The following KBTBD11 variants were observed in gnomAD, a reference collection of about 807,000 sequenced individuals.
KBTBD11 encodes kelch repeat and BTB domain-containing protein 11.
For missense variants in KBTBD11, 1,390 were observed against 1,001.8 expected, an observed-to-expected ratio of 1.39 and a Z score of -5.23; for synonymous variants, 747 against 499.0, an observed-to-expected ratio of 1.50 and a Z score of -6.63.
At chr8:1,983,912 C>A (rs1397129607) in intron 1 of KBTBD11, among the ~76,000 whole-genome samples, 1 of 151,480 alleles carries the variant, frequency 6.6e-6, no homozygotes, top group Admixed American at 6.6e-5. Flanking sequence ...GGTGGATCAC[C>A]TGAGGTCAGG....
At chr8:1,993,395 A>G (rs59623983) in intron 1 of KBTBD11, among the ~76,000 whole-genome samples, 12,650 of 96,268 alleles carry the variant, frequency 0.13, 619 homozygotes, top group Admixed American at 0.24. Context: ...CCGTCCGTCC[A>G]TCCATCCATC....
In KBTBD11 at chr8:2,002,817, G is replaced by A; in HGVS notation, c.1625G>A (p.Arg542His). Residue 542 changes from arginine (R) to histidine (H), a missense_variant, in exon 2 of 2, where the codon CGC becomes CAC. By Grantham distance (29) the Arg-to-His change is conservative. Coordinates refer to ENST00000320248, the MANE Select transcript of KBTBD11 (RefSeq NM_014867.3). This position sits in a 1 kb window ranked among gnomAD's most constrained non-coding sequence, Gnocchi z 4.1. ...TGGAGCCCGTGCGTCGCGCCCCTGCGCCTCCCCGGCGGCCCCACGGGCCTG... is the reference window on the plus strand; with the variant it reads ...TGGAGCCCGTGCGTCGCGCCCCTGCACCTCCCCGGCGGCCCCACGGGCCTG... ...KQWSPCVAPLRLPGGPTGLQP... is the reference protein window; with the variant it reads ...KQWSPCVAPLHLPGGPTGLQP... 7.0e-7 allele frequency: 1 copy of A among 1,434,118 alleles called. No homozygotes were observed. 88.8% of individuals were successfully genotyped at this position (1,434,118 alleles called of 1,614,324 possible).
chr8:1,987,391 C>CT (rs1816741337), intron 1 of KBTBD11, among the ~76,000 whole-genome samples: 2 of 152,064 alleles, frequency 1.3e-5, no homozygotes, highest in African/African-American at 4.8e-5. Flanking sequence ...TCAATCAATC[C>CT]TTTTTTGTAG....
At chr8:1,985,734 A>C (rs1310636741) in intron 1 of KBTBD11, among the ~76,000 whole-genome samples, 1 of 152,266 alleles carries the variant, frequency 6.6e-6, no homozygotes, top group Non-Finnish European at 1.5e-5. Context: ...CCCAGGCTGC[A>C]GTGAGCCATG....
Position 1,992,742 on chromosome 8 carries a change from A to G in KBTBD11, c.-908-7543A>G, listed in dbSNP as rs532568468. Among the ~76,000 whole-genome samples the G allele has an allele frequency of 1.4e-3, 215 of 152,252 alleles. 2 individuals carry two copies. Among genetic ancestry groups the G allele is most frequent in the African/African-American group, 5.1e-3 (211 of 41,496 alleles). Reference sequence around the variant, plus strand: ...ATTATAAAAGCAGCATATATTTTAGAAAATATTGAAACTCAGCATTTTATT... The same window carrying G: ...ATTATAAAAGCAGCATATATTTTAGGAAATATTGAAACTCAGCATTTTATT... On this transcript the variant is annotated intron_variant, in intron 1 of 1. Transcript: ENST00000320248.
Position 2,002,139 on chromosome 8 carries a change from C to T in KBTBD11, c.947C>T (p.Ser316Leu), listed in dbSNP as rs1156645926. 7.7e-6 allele frequency: 9 copies of T among 1,163,070 alleles called. No homozygotes were observed. Among genetic ancestry groups the T allele is most frequent in the African/African-American group, 1.6e-5 (1 of 60,686 alleles). 72.0% of individuals were successfully genotyped at this position (1,163,070 alleles called of 1,614,324 possible). A position where few individuals can be genotyped will look rare whatever the true frequency, so the allele number is the denominator to read the frequency against. ...GCGGGCAGCCGGCCTCAGAGCCCCTCGGGGGACGCGGACGCGCGCGGGGAC... is the reference window on the plus strand; with the variant it reads ...GCGGGCAGCCGGCCTCAGAGCCCCTTGGGGGACGCGGACGCGCGCGGGGAC... ...ERAGSRPQSP[S>L]GDADARGDAA... Residue 316 changes from serine to leucine, a missense_variant, in exon 2 of 2, where the codon TCG becomes TTG. Ser to Leu is a moderately radical substitution (Grantham distance 145, BLOSUM62 -2). Transcript: ENST00000320248. The surrounding 1 kb of genome is among the most constrained non-coding windows in gnomAD (Gnocchi z 4.1).
At chr8:1,988,861 AT>A (rs1209069820) in intron 1 of KBTBD11, among the ~76,000 whole-genome samples, 6 of 152,228 alleles carry the variant, frequency 3.9e-5, no homozygotes, top group African/African-American at 1.4e-4. Flanking sequence ...AATATTGCTA[AT>A]TAATTATCAT....
chr8:1,997,053 G>T lies in KBTBD11; in HGVS notation c.-908-3232G>T, dbSNP rs1267796952. 3.9e-5 allele frequency among the ~76,000 whole-genome samples: 6 copies of T among 152,090 alleles called. No homozygotes were observed. In the East Asian group the frequency reaches 1.2e-3, roughly 29 times the overall value. On this transcript the variant is annotated intron_variant, in intron 1 of 1. Coordinates refer to ENST00000320248, the MANE Select transcript of KBTBD11 (RefSeq NM_014867.3). Reference sequence around the variant, plus strand: ...ATGGAAACTGCAGTGCTGACTTTCTGTGTCGCCTGGTTGTGACTCCAGAAG... The same window carrying T: ...ATGGAAACTGCAGTGCTGACTTTCTTTGTCGCCTGGTTGTGACTCCAGAAG...
chr8:1,982,785 C>T (rs1816583108), intron 1 of KBTBD11, among the ~76,000 whole-genome samples: 1 of 151,688 alleles, frequency 6.6e-6, no homozygotes, highest in South Asian at 2.1e-4. Flanking sequence ...CTGTGTCACC[C>T]AGGCTGGAGT....
At position 1,993,841 on chromosome 8, in the gene KBTBD11, C is replaced by G. The variant is rs1033396837; in HGVS notation, c.-908-6444C>G. On this transcript the variant is annotated intron_variant, in intron 1 of 1. Transcript: ENST00000320248. ...TAAAGAAGGAGCAAGAATTCTGCTT[C>G]TCAAACCAGGATGGGGGTTGTCTTA... is the stretch of plus-strand genomic sequence containing the variant. Among the ~76,000 whole-genome samples the G allele has an allele frequency of 4.9e-4, 75 of 151,614 alleles. 3 individuals carry two copies. Among genetic ancestry groups the G allele is most frequent in the African/African-American group, 1.8e-3 (72 of 41,140 alleles).
chr8:2,001,339 C>T lies in KBTBD11; in HGVS notation c.147C>T (p.Ser49=), dbSNP rs369319088. Residue 49 remains serine, a synonymous_variant, in exon 2 of 2, where the codon TCC becomes TCT. Coordinates refer to ENST00000320248, the MANE Select transcript of KBTBD11 (RefSeq NM_014867.3). Reference sequence around the variant, plus strand: ...TGTGCTTCAGCTCCGGGGAAGAGTCCCCGCCGCAGTCCCTCGCCTCAGCGG... The same window carrying T: ...TGTGCTTCAGCTCCGGGGAAGAGTCTCCGCCGCAGTCCCTCGCCTCAGCGG... ...ASLCFSSGEE[S]PPQSLASAAE... is the part of the protein sequence containing the mutation. The T allele has an allele frequency of 4.8e-5, 73 of 1,510,964 alleles. No individual in the cohort carries two copies. The highest frequency in any genetic ancestry group is 1.9e-4 in the African/African-American group (13 of 69,640). 93.6% of individuals were successfully genotyped at this position (1,510,964 alleles called of 1,614,324 possible).
chr8:1,989,949 T>TTTTTTA (rs1816850935), intron 1 of KBTBD11, among the ~76,000 whole-genome samples: 1 of 129,010 alleles, frequency 7.8e-6, no homozygotes, highest in Non-Finnish European at 1.6e-5. Context: ...TTTTTTTTTT[T>TTTTTTA]GAGGCCTCTT....
chr8:1,980,374 G>T (rs889133008), intron 1 of KBTBD11, among the ~76,000 whole-genome samples: 50 of 152,096 alleles, frequency 3.3e-4, no homozygotes, highest in African/African-American at 1.2e-3. Context: ...TTACAAGCAT[G>T]CATCACCACG....
chr8:2,002,797 C>A lies in KBTBD11; in HGVS notation c.1605C>A (p.Ser535Arg). 6.9e-7 allele frequency: 1 copy of A among 1,453,560 alleles called. No homozygotes were observed. Among genetic ancestry groups the A allele is most frequent in the Non-Finnish European group, 9.0e-7 (1 of 1,111,448 alleles). The allele number at this position is 1,453,560 out of a possible 1,614,324, so 90.0% of individuals were successfully genotyped here. Residue 535 changes from serine to arginine, a missense_variant, in exon 2 of 2, where the codon AGC (serine) becomes AGA (arginine). Transcript: ENST00000320248. This position sits in a 1 kb window ranked among gnomAD's most constrained non-coding sequence, Gnocchi z 4.1. Reference sequence around the variant, plus strand: ...ACCACTGCCTGGCCAAGCAGTGGAGCCCGTGCGTCGCGCCCCTGCGCCTCC... The same window carrying A: ...ACCACTGCCTGGCCAAGCAGTGGAGACCGTGCGTCGCGCCCCTGCGCCTCC... ...SRYHCLAKQWSPCVAPLRLPG... is the reference protein window; with the variant it reads ...SRYHCLAKQWRPCVAPLRLPG...
intron 1 of KBTBD11, chr8:1,974,664 C>A: frequency 1.0e-6 from 1 of 985,412 alleles, no homozygotes; most frequent in Non-Finnish European, 1.2e-6. Flanking sequence ...AGCCCCCGCC[C>A]CATGTGCTGG....
At position 1,982,053 on chromosome 8, in the gene KBTBD11, A is replaced by G. The variant is rs148137948; in HGVS notation, c.-909+8118A>G. Among the ~76,000 whole-genome samples the G allele has an allele frequency of 4.6e-5, 7 of 152,318 alleles. No homozygotes were observed. The East Asian group carries it at 1.3e-3, about 29-fold the overall frequency. Reference sequence around the variant, plus strand: ...CTGGAGAACCCTGGTTAATACAGCTATGGTAATATGTTAAGGGATATACAG... The same window carrying G: ...CTGGAGAACCCTGGTTAATACAGCTGTGGTAATATGTTAAGGGATATACAG... On this transcript the variant is annotated intron_variant, in intron 1 of 1. Coordinates refer to ENST00000320248, the MANE Select transcript of KBTBD11 (RefSeq NM_014867.3).
intron 1 of KBTBD11, chr8:1,975,213 G>A (rs4876261): frequency 0.56 from 85,411 of 152,198 alleles, 24,718 homozygotes; most frequent in East Asian, 0.75. Context: ...GCATAACTAA[G>A]TAAAAATTGT....
At chr8:1,990,345 T>TGCC (rs1028485817) in intron 1 of KBTBD11, among the ~76,000 whole-genome samples, 4 of 145,874 alleles carry the variant, frequency 2.7e-5, no homozygotes, top group Admixed American at 6.8e-5. Context: ...GGGTAGATGC[T>TGCC]GGGCCTTGGC....
At chr8:1,992,879 A>G (rs903983882) in intron 1 of KBTBD11, among the ~76,000 whole-genome samples, 3 of 151,644 alleles carry the variant, frequency 2.0e-5, no homozygotes, top group African/African-American at 7.3e-5. Context: ...TGGAGCTGTC[A>G]TGTGGATAAT....
Sources: allele counts gnomAD v4.1 joint callset (sites outside exome capture counted in the v4.1 genomes callset), GRCh38; gene constraint gnomAD v4.1.1; non-coding constraint Gnocchi (gnomAD v3.1); transcripts MANE v1.5; gene names NCBI Gene and HGNC (gene_info 2026-07-23, HGNC 2026-07-21).